CNOT6L: variants seen among roughly 807,000 people sequenced by gnomAD.
CNOT6L encodes CCR4-NOT transcription complex subunit 6-like.
In CNOT6L, 7 loss-of-function variants were observed where a neutral mutation model predicts 64.0. The ratio of observed to expected loss-of-function variants is 0.11; its 90% CI spans 0.06 to 0.21. CNOT6L has a LOEUF of 0.21. CNOT6L is among the 10% of genes least tolerant of loss of function. The pLI is 1.00. For synonymous variants in CNOT6L, 193 were observed against 243.4 expected (o/e 0.79, Z 1.93); for missense variants, 245 against 669.0 (o/e 0.37, Z 6.99).
chr4:77,820,258 C>T (rs1292771884), upstream of CNOT6L, among the ~76,000 whole-genome samples: 1 of 152,104 alleles, frequency 6.6e-6, no homozygotes, highest in Admixed American at 6.5e-5. Flanking sequence ...CGTGGAGGGG[C>T]TGGCGGGAGT....
chr4:77,757,678 T>G (rs1349630120), intron 4 of CNOT6L, among the ~76,000 whole-genome samples: 1 of 152,110 alleles, frequency 6.6e-6, no homozygotes, highest in African/African-American at 2.4e-5. Flanking sequence ...AACCAAACCT[T>G]CAATGCAACA....
At chr4:77,777,390 C>T (rs1728271957) in intron 1 of CNOT6L, among the ~76,000 whole-genome samples, 1 of 152,164 alleles carries the variant, frequency 6.6e-6, no homozygotes, top group African/African-American at 2.4e-5. Context: ...CATCTTCCTG[C>T]TATAACTGCC....
chr4:77,742,474 C>A (rs573668468), intron 7 of CNOT6L, 179 bp from the exon 8 acceptor site: 2 of 683,644 alleles, frequency 2.9e-6, no homozygotes, highest in African/African-American at 3.6e-5. Context: ...GCTTTTTAAA[C>A]ATGAAAGAAC....
chr4:77,754,687 A>G, intron 5 of CNOT6L, among the ~76,000 whole-genome samples: 1 of 152,056 alleles, frequency 6.6e-6, no homozygotes, highest in Middle Eastern at 3.4e-3. Context: ...GTCCATAATT[A>G]AACACTGTTA....
intron 5 of CNOT6L, among the ~76,000 whole-genome samples, chr4:77,753,620 G>A (rs1020693766): frequency 1.4e-4 from 21 of 151,782 alleles, no homozygotes; most frequent in African/African-American, 4.6e-4. Flanking sequence ...GCAGTGAGTC[G>A]AGATCATGCC....
rs149890364 is a variant in CNOT6L at position 77,731,216 on chromosome 4, A to C, written c.1024+171T>G. 3.8e-3 allele frequency among the ~76,000 whole-genome samples: 577 copies of C among 152,246 alleles called. 2 individuals carry two copies. The highest frequency in any genetic ancestry group is 0.012 in the African/African-American group (518 of 41,558). On this transcript the variant is annotated intron_variant, in intron 9 of 11. Transcript: ENST00000504123. ...ATAGAGAGCACAAAATATCCCAACA[A>C]ATATATGATGCTTTACACAATGGTG...
At chr4:77,790,017 T>A (rs931510379) in intron 1 of CNOT6L, among the ~76,000 whole-genome samples, 1 of 151,118 alleles carries the variant, frequency 6.6e-6, no homozygotes, top group Admixed American at 6.6e-5. Context: ...TACAAATTTT[T>A]AAATATAAAG....
intron 7 of CNOT6L, among the ~76,000 whole-genome samples, chr4:77,743,680 C>A (rs1387762144): frequency 1.5e-5 from 2 of 134,516 alleles, no homozygotes; most frequent in African/African-American, 2.8e-5. Flanking sequence ...CTGATCACTG[C>A]AACCTCTGCT....
chr4:77,773,840 A>G (rs1190142650), intron 3 of CNOT6L, among the ~76,000 whole-genome samples: 2 of 152,168 alleles, frequency 1.3e-5, no homozygotes, highest in African/African-American at 4.8e-5. Context: ...GATAGCATAA[A>G]TAAGATCTAA....
chr4:77,774,749 AC>A (rs1727968508), intron 2 of CNOT6L, 33 bp from the exon 3 acceptor site: 4 of 1,415,274 alleles, frequency 2.8e-6, no homozygotes. Context: ...GTAAAAAAAA[AC>A]CCCAGGCCCA....
intron 1 of CNOT6L, among the ~76,000 whole-genome samples, chr4:77,801,581 C>A (rs1281561371): frequency 1.3e-5 from 2 of 149,376 alleles, no homozygotes; most frequent in Non-Finnish European, 3.0e-5. Flanking sequence ...TTTCTGAAAA[C>A]AAATTGCACA....
At chr4:77,817,259 A>G (rs1039805711) in intron 1 of CNOT6L, among the ~76,000 whole-genome samples, 7 of 152,164 alleles carry the variant, frequency 4.6e-5, no homozygotes, top group Admixed American at 1.3e-4. Context: ...ATAAATAACT[A>G]GGCTATTTTA....
intron 8 of CNOT6L, among the ~76,000 whole-genome samples, chr4:77,733,852 C>T (rs894078262): frequency 1.3e-5 from 2 of 152,116 alleles, no homozygotes; most frequent in Admixed American, 1.3e-4. Flanking sequence ...CAATGCTCTC[C>T]CACCCTCCAT....
chr4:77,727,808 G>C (rs1336775522), intron 10 of CNOT6L, among the ~76,000 whole-genome samples: 1 of 152,170 alleles, frequency 6.6e-6, no homozygotes, highest in African/African-American at 2.4e-5. Context: ...TGTGGTTAAA[G>C]TGCCAATTAG....
At chr4:77,722,859 AGTTT>A (rs1441444308) in intron 11 of CNOT6L, among the ~76,000 whole-genome samples, 1 of 152,178 alleles carries the variant, frequency 6.6e-6, no homozygotes, top group Non-Finnish European at 1.5e-5. Flanking sequence ...CTTTTGAGTC[AGTTT>A]CTTTCTTAAA....
intron 5 of CNOT6L, among the ~76,000 whole-genome samples, chr4:77,749,440 A>G (rs1724604155): frequency 1.3e-5 from 2 of 152,202 alleles, no homozygotes; most frequent in Non-Finnish European, 2.9e-5. Context: ...AGAAACAGAA[A>G]GAGTAAACAA....
chr4:77,755,223 GTTTTTTTTTTTTTTTTTTTTTT>G (rs869054667), intron 5 of CNOT6L, among the ~76,000 whole-genome samples: 3 of 70,392 alleles, frequency 4.3e-5, no homozygotes, highest in Admixed American at 2.5e-4. Flanking sequence ...AGAGACAAGA[GTTTTTTTTTTTTTTTTTTTTTT>G]TTTTTTTTTT....
At chr4:77,723,620 C>T (rs1280556824) in intron 11 of CNOT6L, among the ~76,000 whole-genome samples, 1 of 152,180 alleles carries the variant, frequency 6.6e-6, no homozygotes, top group Non-Finnish European at 1.5e-5. Context: ...CCTTGAAATA[C>T]TATTCTATTG....
chr4:77,765,047 G>A (rs938285230), intron 4 of CNOT6L, among the ~76,000 whole-genome samples: 1 of 152,084 alleles, frequency 6.6e-6, no homozygotes, highest in South Asian at 2.1e-4. Flanking sequence ...CAAGATACAG[G>A]TCATAAAGAC....
Sources: allele counts gnomAD v4.1 joint callset (sites outside exome capture counted in the v4.1 genomes callset), GRCh38; gene constraint gnomAD v4.1.1; transcripts MANE v1.5; gene names NCBI Gene and HGNC (gene_info 2026-07-23, HGNC 2026-07-21).